SLC1A5: variants seen among roughly 807,000 people sequenced by gnomAD.
SLC1A5 encodes the protein solute carrier family 1 member 5, also known as neutral amino acid transporter B(0).
SLC1A5 carries 25 observed loss-of-function variants against 34.9 expected under a neutral mutation model. That is an observed-to-expected ratio of 0.72 (90% CI 0.52 to 1.00). SLC1A5 has a LOEUF of 1.00. SLC1A5 is among the 50% of genes least tolerant of loss of function. SLC1A5 has a pLI of 0.00. For synonymous variants in SLC1A5, 351 were observed against 341.2 expected (o/e 1.03, Z -0.32); for missense variants, 637 against 740.0 (o/e 0.86, Z 1.61).
chr19:46,775,089 ACG>A lies in SLC1A5; in HGVS notation c.*419_*420del, dbSNP rs2055073625. ...CACACACACACACACACACACACAC[ACG>A]TGCACACACACATCCCCCCACAACT... On this transcript the variant is annotated 3_prime_UTR_variant, in exon 8 of 8. Coordinates refer to ENST00000542575, the MANE Select transcript of SLC1A5 (RefSeq NM_005628.3). 2 of 1,009,030 alleles carry A rather than the reference ACG, an allele frequency of 2.0e-6. No individual in the cohort carries two copies. The highest frequency in any genetic ancestry group is 8.0e-5 in the South Asian group (2 of 25,082). 62.5% of individuals were successfully genotyped at this position (1,009,030 alleles called of 1,614,324 possible). A position where few individuals can be genotyped will look rare whatever the true frequency, so the allele number is the denominator to read the frequency against.
intron 2 of SLC1A5, 65 bp downstream of exon 2, chr19:46,784,452 G>A (rs2055171239): frequency 1.9e-6 from 3 of 1,587,328 alleles, no homozygotes; most frequent in Non-Finnish European, 2.6e-6. Context: ...GGTAGCAAGG[G>A]CTCCCCCTGG....
chr19:46,775,189 G>A lies in SLC1A5; in HGVS notation c.*321C>T. 2 of 1,087,320 alleles carry A rather than the reference G, an allele frequency of 1.8e-6. No individual in the cohort carries two copies. The highest frequency in any genetic ancestry group is 1.7e-5 in the African/African-American group (1 of 60,554). The allele number at this position is 1,087,320 out of a possible 1,614,324, so 67.4% of individuals were successfully genotyped here. A position where few individuals can be genotyped will look rare whatever the true frequency, so the allele number is the denominator to read the frequency against. On this transcript the variant is annotated 3_prime_UTR_variant, in exon 8 of 8. Coordinates refer to ENST00000542575, the MANE Select transcript of SLC1A5 (RefSeq NM_005628.3). ...GGGCTAGAATTCCCCATGGTGACCT[G>A]TGACCTGCTCCCTGAGACAGGGGAG... is the stretch of plus-strand genomic sequence containing the variant.
Position 46,775,105 on chromosome 19 carries a change from C to T in SLC1A5, c.*405G>A, listed in dbSNP as rs1481912608. On this transcript the variant is annotated 3_prime_UTR_variant, in exon 8 of 8. Coordinates refer to ENST00000542575, the MANE Select transcript of SLC1A5 (RefSeq NM_005628.3). Reference sequence around the variant, plus strand: ...CACACACACACGTGCACACACACATCCCCCCACAACTACAGCCGCCAAAAT... The same window carrying T: ...CACACACACACGTGCACACACACATTCCCCCACAACTACAGCCGCCAAAAT... 4.8e-6 allele frequency: 5 copies of T among 1,031,036 alleles called. No individual in the cohort carries two copies. The highest frequency in any genetic ancestry group is 5.1e-5 in the Admixed American group (1 of 19,498). 63.9% of individuals were successfully genotyped at this position (1,031,036 alleles called of 1,614,324 possible).
intron 4 of SLC1A5, among the ~76,000 whole-genome samples, chr19:46,781,227 T>C (rs1365513277): frequency 6.6e-6 from 1 of 152,146 alleles, no homozygotes; most frequent in Admixed American, 6.5e-5. Context: ...TTACAGACAA[T>C]AAGTGATCTG....
chr19:46,777,344 T>A lies in SLC1A5; in HGVS notation c.1120A>T (p.Ile374Phe), dbSNP rs150184911. The change falls in exon 6 of 8, where the codon ATC (isoleucine) becomes TTC (phenylalanine). Residue 374 changes from isoleucine (I) to phenylalanine (F), a missense_variant. Physicochemically the swap from Ile to Phe is conservative, Grantham distance 21. Transcript: ENST00000542575. ...VEENNGVAKHISRFILPIGAT... is the reference protein window; with the variant it reads ...VEENNGVAKHFSRFILPIGAT... ...CCGATGGGCAGGATGAAACGGCTGATGTGCTTGGCCACGCCATTATTCTCC... is the reference window on the plus strand; with the variant it reads ...CCGATGGGCAGGATGAAACGGCTGAAGTGCTTGGCCACGCCATTATTCTCC... The A allele has an allele frequency of 6.2e-7, 1 of 1,613,690 alleles. No individual in the cohort carries two copies. The highest frequency in any genetic ancestry group is 1.3e-5 in the African/African-American group (1 of 74,934).
At chr19:46,782,258 G>T in intron 4 of SLC1A5, 125 bp downstream of exon 4, 1 of 715,542 alleles carries the variant, frequency 1.4e-6, no homozygotes, top group Non-Finnish European at 2.3e-6. Context: ...TTTAAATGCA[G>T]GTCATCTGGC....
Position 46,776,971 on chromosome 19 carries a change from TCAC to T in SLC1A5, c.1388+1_1388+3del, listed in dbSNP as rs1175314509. ...CCTGCCCCAGTCTCCAGACCCACAC[TCAC>T]ACTAGCCAGTCCACAGCCAGGATCA... On this transcript the variant is annotated splice_donor_variant and splice_donor_region_variant and intron_variant, in intron 7 of 7. Transcript: ENST00000542575. LOFTEE classifies it high-confidence loss of function. The T allele has an allele frequency of 4.3e-6, 7 of 1,612,770 alleles. No individual in the cohort carries two copies. The highest frequency in any genetic ancestry group is 5.9e-6 in the Non-Finnish European group (7 of 1,179,508).
intron 4 of SLC1A5, among the ~76,000 whole-genome samples, chr19:46,780,267 C>T (rs868610572): frequency 1.3e-5 from 2 of 151,894 alleles, no homozygotes; most frequent in African/African-American, 2.4e-5. Context: ...CCAGGAGGTC[C>T]GGGCTGCAGT....
chr19:46,777,350 T>C lies in SLC1A5; in HGVS notation c.1114A>G (p.Lys372Glu). 1 of 1,613,692 alleles carries C rather than the reference T, an allele frequency of 6.2e-7. No individual in the cohort carries two copies. Among genetic ancestry groups the C allele is most frequent in the African/African-American group, 1.3e-5 (1 of 75,036 alleles). Reference sequence around the variant, plus strand: ...GGCAGGATGAAACGGCTGATGTGCTTGGCCACGCCATTATTCTCCTCCACG... The same window carrying C: ...GGCAGGATGAAACGGCTGATGTGCTCGGCCACGCCATTATTCTCCTCCACG... ...KCVEENNGVA[K>E]HISRFILPIG... is the part of the protein sequence containing the mutation. Residue 372 changes from lysine to glutamate, a missense_variant, in exon 6 of 8, where the codon AAG becomes GAG. Transcript: ENST00000542575.
intron 1 of SLC1A5, among the ~76,000 whole-genome samples, chr19:46,786,276 C>T (rs928653738): frequency 6.6e-6 from 1 of 152,120 alleles, no homozygotes; most frequent in South Asian, 2.1e-4. Context: ...TGAGTGTCTG[C>T]GTGAATGTGT....
intron 4 of SLC1A5, among the ~76,000 whole-genome samples, chr19:46,781,356 C>T (rs1024652764): frequency 9.2e-5 from 14 of 152,132 alleles, no homozygotes; most frequent in Admixed American, 9.2e-4. Flanking sequence ...CCCAGCACTT[C>T]GGGAGGCCGA....
chr19:46,785,770 A>G (rs921049017), intron 1 of SLC1A5, among the ~76,000 whole-genome samples: 12 of 152,160 alleles, frequency 7.9e-5, no homozygotes, highest in Admixed American at 7.9e-4. Context: ...GGTACAGTAA[A>G]ATAACGTCAT....
In SLC1A5 at chr19:46,787,358, C is replaced by A; in HGVS notation, c.566+42G>T. 1 of 1,558,188 alleles carries A rather than the reference C, an allele frequency of 6.4e-7. No individual in the cohort carries two copies. The highest frequency in any genetic ancestry group is 1.9e-5 in the Admixed American group (1 of 51,600). Reference sequence around the variant, plus strand: ...CTGTCCACGTGACCACTCCCGCCATCCGTAACACTCTTCCCCACCTCCCGG... The same window carrying A: ...CTGTCCACGTGACCACTCCCGCCATACGTAACACTCTTCCCCACCTCCCGG... On this transcript the variant is annotated intron_variant, in intron 1 of 7. Transcript: ENST00000542575. The surrounding 1 kb of genome is among the most constrained non-coding windows in gnomAD (Gnocchi z 5.2).
chr19:46,776,771 C>G lies in SLC1A5; in HGVS notation c.1388+204G>C, dbSNP rs147049827. 6.8e-5 allele frequency: 39 copies of G among 570,808 alleles called. No homozygotes were observed. The African/African-American group carries it at 7.1e-4, about 10-fold the overall frequency. The allele number at this position is 570,808 out of a possible 1,614,324, so 35.4% of individuals were successfully genotyped here. ...GAGTCTGCTGTATTCACCACACAGA[C>G]GCTCTACTTTTCTGACATCCCTCTT... On this transcript the variant is annotated intron_variant, in intron 7 of 7. Transcript: ENST00000542575.
At chr19:46,783,080 G>A (rs1213708979) in intron 3 of SLC1A5, among the ~76,000 whole-genome samples, 1 of 152,178 alleles carries the variant, frequency 6.6e-6, no homozygotes, top group Admixed American at 6.5e-5. Context: ...GTCATAGACT[G>A]TAGCAAGGAG....
chr19:46,785,659 G>A (rs958771885), intron 1 of SLC1A5, among the ~76,000 whole-genome samples: 1 of 152,170 alleles, frequency 6.6e-6, no homozygotes, highest in South Asian at 2.1e-4. Context: ...TACAGCCAAC[G>A]CCATGTGCCC....
Position 46,774,900 on chromosome 19 carries a change from A to G in SLC1A5, c.*610T>C. Reference sequence around the variant, plus strand: ...ACACCTGATTAAATAGTTGACACTCAATTTTATTGCTAAAAAAAATGTCCT... The same window carrying G: ...ACACCTGATTAAATAGTTGACACTCGATTTTATTGCTAAAAAAAATGTCCT... On this transcript the variant is annotated 3_prime_UTR_variant, in exon 8 of 8. Coordinates refer to ENST00000542575, the MANE Select transcript of SLC1A5 (RefSeq NM_005628.3). The G allele has an allele frequency of 1.0e-6, 1 of 985,870 alleles. No individual in the cohort carries two copies. The highest frequency in any genetic ancestry group is 1.2e-6 in the Non-Finnish European group (1 of 830,014). 61.1% of individuals were successfully genotyped at this position (985,870 alleles called of 1,614,324 possible).
At position 46,775,105 on chromosome 19, in the gene SLC1A5, C is replaced by A; in HGVS notation, c.*405G>T. The A allele has an allele frequency of 1.9e-6, 2 of 1,031,154 alleles. No individual in the cohort carries two copies. Among genetic ancestry groups the A allele is most frequent in the Non-Finnish European group, 1.2e-6 (1 of 858,382 alleles). The allele number at this position is 1,031,154 out of a possible 1,614,324, so 63.9% of individuals were successfully genotyped here. A position where few individuals can be genotyped will look rare whatever the true frequency, so the allele number is the denominator to read the frequency against. On this transcript the variant is annotated 3_prime_UTR_variant, in exon 8 of 8. Coordinates refer to ENST00000542575, the MANE Select transcript of SLC1A5 (RefSeq NM_005628.3). ...CACACACACACGTGCACACACACATCCCCCCACAACTACAGCCGCCAAAAT... is the reference window on the plus strand; with the variant it reads ...CACACACACACGTGCACACACACATACCCCCACAACTACAGCCGCCAAAAT...
At chr19:46,782,040 C>T (rs1390256224) in intron 4 of SLC1A5, among the ~76,000 whole-genome samples, 2 of 152,050 alleles carry the variant, frequency 1.3e-5, no homozygotes, top group African/African-American at 2.4e-5. Flanking sequence ...ATTACAGGTG[C>T]GTGTCCCCAT....
Sources: allele counts gnomAD v4.1 joint callset (sites outside exome capture counted in the v4.1 genomes callset), GRCh38; gene constraint gnomAD v4.1.1; non-coding constraint Gnocchi (gnomAD v3.1); transcripts MANE v1.5; gene names NCBI Gene and HGNC (gene_info 2026-07-23, HGNC 2026-07-21).